The following RBFOX1 variants were observed in gnomAD, a reference collection of about 807,000 sequenced individuals.
The protein encoded by RBFOX1 is RNA binding protein fox-1 homolog 1.
RBFOX1 carries 8 observed loss-of-function variants against 57.7 expected under a neutral mutation model. The observed-to-expected ratio is 0.14, with a 90% CI of 0.08 to 0.25. The LOEUF (loss-of-function observed/expected upper bound fraction) is 0.25. Ranked by LOEUF, RBFOX1 falls within the 10% of genes least tolerant of loss-of-function variation. The pLI, the probability that RBFOX1 is intolerant of heterozygous loss-of-function variation, is 1.00. For missense variants in RBFOX1, 611 were observed against 548.5 expected, an observed-to-expected ratio of 1.11 and a Z score of -1.14; for synonymous variants, 326 against 222.4, an observed-to-expected ratio of 1.47 and a Z score of -4.15.
At chr16:5,648,854 A>G (rs1185991580) in intron 3 of RBFOX1, among the ~76,000 whole-genome samples, 1 of 152,130 alleles carries the variant, frequency 6.6e-6, no homozygotes, top group East Asian at 1.9e-4. Flanking sequence ...ACTTGAGGTC[A>G]GGAGTTTGAG....
chr16:6,387,603 T>A (rs1181116581), intron 2 of RBFOX1, among the ~76,000 whole-genome samples: 1 of 152,184 alleles, frequency 6.6e-6, no homozygotes, highest in Admixed American at 6.5e-5. Context: ...CTCAAGGTTA[T>A]GTGAAACAAA....
At chr16:6,795,452 T>C (rs2083787042) in intron 3 of RBFOX1, among the ~76,000 whole-genome samples, 1 of 152,162 alleles carries the variant, frequency 6.6e-6, no homozygotes, top group African/African-American at 2.4e-5. Flanking sequence ...GTTACGTCTT[T>C]ATCAAATGTT....
chr16:5,392,486 A>G (rs889730189), intron 1 of RBFOX1, among the ~76,000 whole-genome samples: 2 of 151,452 alleles, frequency 1.3e-5, no homozygotes, highest in Non-Finnish European at 2.9e-5. Flanking sequence ...TACTCTGTCT[A>G]CCCAATGTGG....
chr16:5,462,894 A>C (rs534289952), intron 1 of RBFOX1, among the ~76,000 whole-genome samples: 2 of 152,164 alleles, frequency 1.3e-5, no homozygotes, highest in Non-Finnish European at 2.9e-5. Context: ...ACAAAGAATA[A>C]TCTGGCCTGA....
intron 1 of RBFOX1, among the ~76,000 whole-genome samples, chr16:6,079,727 T>G (rs970175844): frequency 9.9e-5 from 15 of 152,064 alleles, no homozygotes; most frequent in African/African-American, 3.6e-4. Flanking sequence ...TCCTAGCTAC[T>G]CAGAAGGCTG....
intron 4 of RBFOX1, among the ~76,000 whole-genome samples, chr16:7,288,394 T>C (rs1185184778): frequency 8.5e-5 from 13 of 152,218 alleles, no homozygotes; most frequent in Non-Finnish European, 1.9e-4. Context: ...AAATAAGTTA[T>C]TTATCTTCCC....
intron 2 of RBFOX1, among the ~76,000 whole-genome samples, chr16:6,381,272 TCACTGGAATAGTAAACATTGTAC>T (rs2091787110): frequency 6.6e-6 from 1 of 152,184 alleles, no homozygotes; most frequent in Non-Finnish European, 1.5e-5. Context: ...AGTGTACCCA[TCACTGGAATAGTAAACATTGTAC>T]CCAAAAGGTA....
intron 3 of RBFOX1, among the ~76,000 whole-genome samples, chr16:6,836,632 G>A (rs377609785): frequency 2.3e-4 from 35 of 152,198 alleles, no homozygotes; most frequent in African/African-American, 7.9e-4. Context: ...AAGGTCTTAC[G>A]GACTTTCACC....
intron 4 of RBFOX1, among the ~76,000 whole-genome samples, chr16:5,987,348 C>T (rs977675015): frequency 4.6e-5 from 7 of 152,212 alleles, no homozygotes; most frequent in African/African-American, 1.7e-4. Context: ...TCCTCATCCT[C>T]TTTCCAGGAT....
chr16:7,468,612 C>A (rs565993943), intron 4 of RBFOX1, among the ~76,000 whole-genome samples: 3 of 152,036 alleles, frequency 2.0e-5, no homozygotes, highest in Non-Finnish European at 4.4e-5. Flanking sequence ...CAGAATGAGC[C>A]TTTTAGGAAT....
At chr16:5,376,054 G>C (rs1005719612) in intron 1 of RBFOX1, among the ~76,000 whole-genome samples, 1 of 151,964 alleles carries the variant, frequency 6.6e-6, no homozygotes, top group Non-Finnish European at 1.5e-5. Context: ...TGTAGTTCTA[G>C]CTACTTGGGA....
chr16:6,842,349 C>T (rs1368687232), intron 3 of RBFOX1, among the ~76,000 whole-genome samples: 1 of 151,974 alleles, frequency 6.6e-6, no homozygotes, highest in Non-Finnish European at 1.5e-5. Context: ...TTTGGAAAGA[C>T]AAATACTTTG....
rs73512107 is a variant in RBFOX1 at position 5,317,934 on chromosome 16, C to A, written c.219+77829C>A. Among the ~76,000 whole-genome samples the A allele has an allele frequency of 6.0e-3, 912 of 152,246 alleles. 9 individuals are homozygous for A. Among genetic ancestry groups the A allele is most frequent in the African/African-American group, 0.021 (863 of 41,552 alleles). On this transcript the variant is annotated intron_variant, in intron 1 of 2. Transcript: ENST00000585867. ...TATCCTAAGCAATAACTTCTCATTT[C>A]CCCTGTTCCTAGTGTCTGGTAACCT...
chr16:6,439,212 A>G (rs978559207), intron 2 of RBFOX1, among the ~76,000 whole-genome samples: 1 of 152,178 alleles, frequency 6.6e-6, no homozygotes, highest in African/African-American at 2.4e-5. Context: ...TGATGAGACT[A>G]CAGGACAGGC....
chr16:7,464,987 G>A (rs1439788779), intron 4 of RBFOX1, among the ~76,000 whole-genome samples: 5 of 151,862 alleles, frequency 3.3e-5, no homozygotes, highest in South Asian at 4.2e-4. Flanking sequence ...ATGAGCCACC[G>A]AGCCCAGCTA....
intron 4 of RBFOX1, among the ~76,000 whole-genome samples, chr16:7,389,872 C>G (rs2097962358): frequency 6.6e-6 from 1 of 152,036 alleles, no homozygotes; most frequent in Non-Finnish European, 1.5e-5. Context: ...CTGCTGTTTT[C>G]CAAATAAGAA....
chr16:6,052,929 T>A (rs1222638932), intron 1 of RBFOX1, among the ~76,000 whole-genome samples: 1 of 152,044 alleles, frequency 6.6e-6, no homozygotes, highest in African/African-American at 2.4e-5. Context: ...TGTGAGCTCT[T>A]CATAAATATT....
intron 4 of RBFOX1, among the ~76,000 whole-genome samples, chr16:7,095,836 C>A (rs1317437626): frequency 6.6e-6 from 1 of 151,798 alleles, no homozygotes; most frequent in South Asian, 2.1e-4. Context: ...CACGGTGAAA[C>A]ACCTTCTGTA....
chr16:7,401,086 G>C (rs1709890581), intron 4 of RBFOX1, among the ~76,000 whole-genome samples: 1 of 152,172 alleles, frequency 6.6e-6, no homozygotes, highest in African/African-American at 2.4e-5. Context: ...AGACATCCAG[G>C]AGAATTTGCC....
Sources: allele counts gnomAD v4.1 joint callset (sites outside exome capture counted in the v4.1 genomes callset), GRCh38; gene constraint gnomAD v4.1.1; transcripts MANE v1.5; gene names NCBI Gene and HGNC (gene_info 2026-07-23, HGNC 2026-07-21).